The following RABGAP1L variants were observed in gnomAD, a reference collection of about 807,000 sequenced individuals.
RABGAP1L encodes rab GTPase-activating protein 1-like.
A neutral mutation model predicts 137.7 loss-of-function variants in RABGAP1L; 63 were observed. The ratio of observed to expected loss-of-function variants is 0.46; its 90% confidence interval spans 0.37 to 0.56. The LOEUF is 0.56. RABGAP1L is among the 20% of genes least tolerant of loss of function. The probability of loss-of-function intolerance (pLI) is 0.00; values close to 1 mark genes in which losing one functional copy is unlikely to be tolerated. For synonymous variants in RABGAP1L, 431 were observed against 433.7 expected (o/e 0.99, Z 0.08); for missense variants, 1,095 against 1,244.0 (o/e 0.88, Z 1.80).
chr1:174,435,756 T>A (rs1015860062), intron 13 of RABGAP1L, among the ~76,000 whole-genome samples: 4 of 151,704 alleles, frequency 2.6e-5, no homozygotes, highest in African/African-American at 9.7e-5. Flanking sequence ...CTGCACCCAT[T>A]AACTCGTCAT....
chr1:174,177,433 C>G (rs150801663), intron 1 of RABGAP1L, among the ~76,000 whole-genome samples: 1,867 of 152,246 alleles, frequency 0.012, 48 homozygotes, highest in African/African-American at 0.043. Flanking sequence ...TGTAGGTTGC[C>G]TATTCACTCT....
At chr1:174,546,924 G>A (rs1666056174) in intron 13 of RABGAP1L, among the ~76,000 whole-genome samples, 1 of 150,302 alleles carries the variant, frequency 6.7e-6, no homozygotes, top group Non-Finnish European at 1.5e-5. Flanking sequence ...CAGCTACTTG[G>A]GAGGCTGAGG....
At position 174,304,987 on chromosome 1, in the gene RABGAP1L, C is replaced by G. The variant is rs1678069434; in HGVS notation, c.1325C>G (p.Ser442Cys). 1 of 1,540,660 alleles carries G rather than the reference C, an allele frequency of 6.5e-7. No homozygotes were observed. The highest frequency in any genetic ancestry group is 8.7e-7 in the Non-Finnish European group (1 of 1,149,980). Residue 442 changes from serine to cysteine, a missense_variant and splice_region_variant, in exon 11 of 26, where the codon TCT (serine) becomes TGT (cysteine). Coordinates refer to ENST00000681986, the MANE Select transcript of RABGAP1L (RefSeq NM_001366446.1). The part of the protein sequence containing the change: ...TETFFMRLKQ[S>C]EGKGHTNAGD... ...AATATACTGTTATATTTTTCTCAGT[C>G]TGAGGGAAAAGGCCATACCAATGCT...
At chr1:174,728,101 A>G (rs1367347844) in intron 17 of RABGAP1L, among the ~76,000 whole-genome samples, 1 of 152,228 alleles carries the variant, frequency 6.6e-6, no homozygotes, top group East Asian at 1.9e-4. Context: ...AAACCCAGTT[A>G]TTTATTGTCC....
intron 19 of RABGAP1L, among the ~76,000 whole-genome samples, chr1:174,937,632 A>ATATATATATATC (rs1190513202): frequency 2.3e-5 from 3 of 128,600 alleles, no homozygotes; most frequent in Non-Finnish European, 3.2e-5. Context: ...ATATATATAT[A>ATATATATATATC]TATCTTGCAG....
intron 13 of RABGAP1L, among the ~76,000 whole-genome samples, chr1:174,436,045 T>C (rs7548945): frequency 0.011 from 1,722 of 152,250 alleles, 31 homozygotes; most frequent in African/African-American, 0.039. Context: ...TTTCTTAATC[T>C]AGTCTATCAT....
chr1:174,330,769 G>A (rs1006303345), intron 11 of RABGAP1L, among the ~76,000 whole-genome samples: 15 of 152,194 alleles, frequency 9.9e-5, no homozygotes, highest in African/African-American at 3.4e-4. Context: ...ACTACCCAAA[G>A]CAATCTACAG....
At chr1:174,221,221 A>C in intron 3 of RABGAP1L, 57 bp downstream of exon 3, 3 of 1,317,998 alleles carry the variant, frequency 2.3e-6, no homozygotes, top group Non-Finnish European at 3.0e-6. Context: ...AATAGTGAAA[A>C]TTTTAAGATG....
chr1:174,350,146 C>T (rs1406829174), intron 11 of RABGAP1L, among the ~76,000 whole-genome samples: 31 of 143,976 alleles, frequency 2.2e-4, no homozygotes, highest in Non-Finnish European at 4.3e-4. Flanking sequence ...GGCTGACCCC[C>T]CACCTCCCTC....
intron 19 of RABGAP1L, among the ~76,000 whole-genome samples, chr1:174,833,466 A>ATATATATATATATATAT (rs71117580): frequency 0.021 from 1,257 of 61,110 alleles, 244 homozygotes; most frequent in East Asian, 0.13. Flanking sequence ...ATATATATAT[A>ATATATATATATATATAT]TAGTAGAGAC....
chr1:174,483,005 G>T (rs1572001539), intron 13 of RABGAP1L, among the ~76,000 whole-genome samples: 2 of 151,752 alleles, frequency 1.3e-5, no homozygotes, highest in African/African-American at 4.8e-5. Flanking sequence ...AATTTTTGTG[G>T]GTACATGGTA....
chr1:174,491,136 A>G (rs1389165138), intron 13 of RABGAP1L, among the ~76,000 whole-genome samples: 2 of 151,862 alleles, frequency 1.3e-5, no homozygotes, highest in African/African-American at 2.4e-5. Flanking sequence ...CTTCGAGTAG[A>G]TGGAGTCTGT....
intron 1 of RABGAP1L, among the ~76,000 whole-genome samples, chr1:174,180,655 CAA>C (rs912888410): frequency 1.3e-5 from 2 of 151,922 alleles, no homozygotes; most frequent in African/African-American, 2.4e-5. Flanking sequence ...TTTGTAGAGA[CAA>C]GATCTCGCTT....
intron 13 of RABGAP1L, among the ~76,000 whole-genome samples, chr1:174,559,128 A>T (rs1215572021): frequency 6.6e-6 from 1 of 152,188 alleles, no homozygotes. Context: ...TATTCACTGA[A>T]ATGTAAATAC....
rs890678742 is a variant in RABGAP1L, at chr1:174,994,464, A to G, written c.*4463A>G. The G allele has an allele frequency of 6.6e-5, 10 of 152,210 alleles. No individual in the cohort carries two copies. Among genetic ancestry groups the G allele is most frequent in the African/African-American group, 2.4e-4 (10 of 41,446 alleles). The allele number at this position is 152,210 out of a possible 1,614,324, so 9.4% of individuals were successfully genotyped here. Reference sequence around the variant, plus strand: ...GTTTGTCATTAGTGGTATTCTGAAAAGCTTAAGAAAAAAGAATCATTGAGT... The same window carrying G: ...GTTTGTCATTAGTGGTATTCTGAAAGGCTTAAGAAAAAAGAATCATTGAGT... On this transcript the variant is annotated 3_prime_UTR_variant, in exon 26 of 26. Transcript: ENST00000681986.
intron 19 of RABGAP1L, among the ~76,000 whole-genome samples, chr1:174,857,730 C>A (rs1238245798): frequency 2.6e-5 from 4 of 152,180 alleles, no homozygotes; most frequent in Admixed American, 2.0e-4. Flanking sequence ...AACAATGAGA[C>A]ACCCACAGGT....
intron 19 of RABGAP1L, among the ~76,000 whole-genome samples, chr1:174,944,642 A>AT (rs1339385744): frequency 7.7e-6 from 1 of 130,528 alleles, no homozygotes; most frequent in South Asian, 2.3e-4. Context: ...GTCTCAAAAA[A>AT]TTAAAAAAAA....
chr1:174,242,721 C>A (rs1671929113), intron 5 of RABGAP1L, among the ~76,000 whole-genome samples: 1 of 152,106 alleles, frequency 6.6e-6, no homozygotes, highest in Non-Finnish European at 1.5e-5. Context: ...CTATCAGAAC[C>A]CATGCCTTCT....
intron 20 of RABGAP1L, among the ~76,000 whole-genome samples, chr1:174,962,196 A>AACCCCC (rs1669189616): frequency 1.4e-4 from 11 of 77,836 alleles, no homozygotes; most frequent in African/African-American, 3.0e-4. Context: ...ATAAAAATAC[A>AACCCCC]CCCCCCCCCC....
Sources: gnomAD v4.1 joint callset for allele counts (sites outside exome capture counted in the v4.1 genomes callset) on GRCh38, gnomAD v4.1.1 for gene constraint, MANE v1.5 for transcripts, NCBI Gene and HGNC (gene_info 2026-07-23, HGNC 2026-07-21) for gene names.